The following MACROD2 variants were observed in gnomAD, a reference collection of about 807,000 sequenced individuals.
MACROD2 encodes the protein mono-ADP ribosylhydrolase 2.
In MACROD2, 36 loss-of-function variants were observed where a neutral mutation model predicts 70.4. The ratio of observed to expected loss-of-function variants is 0.51; its 90% CI spans 0.39 to 0.68. MACROD2 has a LOEUF of 0.68. Among genes scored for constraint, MACROD2 ranks in the 30% least tolerant of loss-of-function variants. The probability of loss-of-function intolerance (pLI) is 0.00; values close to 1 mark genes in which losing one functional copy is unlikely to be tolerated. For synonymous variants in MACROD2, 172 were observed against 178.8 expected, an observed-to-expected ratio of 0.96 and a Z score of 0.30; for missense variants, 496 against 538.4, an observed-to-expected ratio of 0.92 and a Z score of 0.78.
At chr20:14,819,831 T>C (rs980038357) in intron 5 of MACROD2, among the ~76,000 whole-genome samples, 1 of 151,830 alleles carries the variant, frequency 6.6e-6, no homozygotes, top group Non-Finnish European at 1.5e-5. Flanking sequence ...GGCTGGGACA[T>C]TGAGTTCAGG....
chr20:14,989,678 C>T (rs554969064), intron 5 of MACROD2, among the ~76,000 whole-genome samples: 4 of 152,114 alleles, frequency 2.6e-5, no homozygotes, highest in East Asian at 3.9e-4. Context: ...ACTGTCATAG[C>T]GCTGGTGGGT....
At chr20:14,696,971 T>C (rs74630714) in intron 5 of MACROD2, among the ~76,000 whole-genome samples, 2,140 of 152,320 alleles carry the variant, frequency 0.014, 49 homozygotes, top group African/African-American at 0.049. Flanking sequence ...ATGACCTTCA[T>C]TCTCATGTAG....
At chr20:15,483,206 G>T (rs929517485) in intron 7 of MACROD2, among the ~76,000 whole-genome samples, 1 of 151,980 alleles carries the variant, frequency 6.6e-6, no homozygotes, top group Non-Finnish European at 1.5e-5. Context: ...TTAAATTTAG[G>T]ACTATTATTA....
At chr20:15,016,448 C>T (rs559906097) in intron 5 of MACROD2, among the ~76,000 whole-genome samples, 161 of 152,054 alleles carry the variant, frequency 1.1e-3, no homozygotes, top group African/African-American at 3.8e-3. Context: ...GGAATGTGAT[C>T]GCAATGTTAG....
chr20:14,104,634 C>T (rs1486499785), intron 3 of MACROD2, among the ~76,000 whole-genome samples: 1 of 152,134 alleles, frequency 6.6e-6, no homozygotes, highest in Non-Finnish European at 1.5e-5. Flanking sequence ...GCAAGAAGCT[C>T]TCAAGTTTCT....
At chr20:14,451,508 C>G (rs536778843) in intron 3 of MACROD2, among the ~76,000 whole-genome samples, 1 of 152,134 alleles carries the variant, frequency 6.6e-6, no homozygotes, top group African/African-American at 2.4e-5. Flanking sequence ...AGAGCTTAAT[C>G]CCACTGGGAA....
chr20:14,952,904 A>G (rs1376742157), intron 5 of MACROD2, among the ~76,000 whole-genome samples: 2 of 152,122 alleles, frequency 1.3e-5, no homozygotes, highest in Non-Finnish European at 2.9e-5. Context: ...AGACAGGGAA[A>G]AGGAAACAGT....
chr20:15,564,896 C>A (rs1011828381), intron 8 of MACROD2, among the ~76,000 whole-genome samples: 1 of 152,262 alleles, frequency 6.6e-6, no homozygotes. Flanking sequence ...AGAATATTTT[C>A]TTACATGACC....
At chr20:14,296,438 A>C (rs1478807183) in intron 3 of MACROD2, among the ~76,000 whole-genome samples, 2 of 151,964 alleles carry the variant, frequency 1.3e-5, no homozygotes, top group African/African-American at 4.8e-5. Context: ...TATTTTGGTA[A>C]ATCATGTAAT....
At chr20:15,600,113 T>C (rs1206504267) in intron 8 of MACROD2, among the ~76,000 whole-genome samples, 2 of 152,160 alleles carry the variant, frequency 1.3e-5, no homozygotes, top group African/African-American at 4.8e-5. Flanking sequence ...TAGCCACTAT[T>C]CTTGGGGAGC....
At chr20:15,561,790 C>G (rs16995992) in intron 8 of MACROD2, among the ~76,000 whole-genome samples, 10,369 of 151,958 alleles carry the variant, frequency 0.068, 482 homozygotes, top group East Asian at 0.21. Flanking sequence ...CCATGTGAAC[C>G]CTGGGGCGTG....
chr20:15,229,905 G>A (rs377670827), intron 5 of MACROD2, 35 bp from the exon 6 acceptor site: 12 of 1,565,332 alleles, frequency 7.7e-6, no homozygotes, highest in Middle Eastern at 1.7e-4. Context: ...AAAATACCTC[G>A]CTTATCCTCT....
intron 7 of MACROD2, among the ~76,000 whole-genome samples, chr20:15,438,291 C>G (rs566693106): frequency 6.6e-6 from 1 of 152,256 alleles, no homozygotes; most frequent in African/African-American, 2.4e-5. Context: ...ATTCACACTC[C>G]GACCAACAGT....
At chr20:15,711,903 A>G (rs566991248) in intron 8 of MACROD2, among the ~76,000 whole-genome samples, 1 of 152,160 alleles carries the variant, frequency 6.6e-6, no homozygotes, top group Non-Finnish European at 1.5e-5. Context: ...TAACATTAGC[A>G]TGTTTTTTCC....
At chr20:14,918,113 A>G (rs1176117231) in intron 5 of MACROD2, among the ~76,000 whole-genome samples, 1 of 152,048 alleles carries the variant, frequency 6.6e-6, no homozygotes, top group Non-Finnish European at 1.5e-5. Flanking sequence ...AGGTGGAACT[A>G]CAGGCACACA....
At chr20:15,058,603 T>C (rs2075506442) in intron 5 of MACROD2, among the ~76,000 whole-genome samples, 1 of 152,226 alleles carries the variant, frequency 6.6e-6, no homozygotes, top group East Asian at 1.9e-4. Flanking sequence ...TTCAGGGATG[T>C]CTGCTTTTTT....
intron 8 of MACROD2, among the ~76,000 whole-genome samples, chr20:15,657,111 A>C (rs1412767455): frequency 6.6e-6 from 1 of 152,134 alleles, no homozygotes; most frequent in Non-Finnish European, 1.5e-5. Context: ...AAGAAGGAAG[A>C]AAGAAGGCAG....
intron 5 of MACROD2, among the ~76,000 whole-genome samples, chr20:14,735,550 A>G (rs540746863): frequency 6.6e-6 from 1 of 152,286 alleles, no homozygotes; most frequent in East Asian, 1.9e-4. Context: ...TGGTGGAAAT[A>G]TAAAGTGGTG....
intron 5 of MACROD2, among the ~76,000 whole-genome samples, chr20:15,027,956 C>T (rs2075246481): frequency 6.6e-6 from 1 of 152,272 alleles, no homozygotes; most frequent in Non-Finnish European, 1.5e-5. Flanking sequence ...GTGTCCCATG[C>T]TGGAATGTGG....
Sources: allele counts gnomAD v4.1 joint callset (sites outside exome capture counted in the v4.1 genomes callset), GRCh38; gene constraint gnomAD v4.1.1; transcripts MANE v1.5; gene names NCBI Gene and HGNC (gene_info 2026-07-23, HGNC 2026-07-21).